Variants in TTYH2 observed in about 807,000 individuals in gnomAD.
TTYH2 encodes tweety family member 2.
A neutral mutation model predicts 68.3 loss-of-function variants in TTYH2; 49 were observed. That is an observed-to-expected ratio of 0.72 (90% CI 0.57 to 0.91). The LOEUF (loss-of-function observed/expected upper bound fraction) is 0.91. Ranked by LOEUF, TTYH2 falls within the 40% of genes least tolerant of loss-of-function variation. TTYH2 has a pLI of 0.00. For synonymous variants in TTYH2, 272 were observed against 300.8 expected, an observed-to-expected ratio of 0.90 and a Z score of 0.99; for missense variants, 631 against 700.4, an observed-to-expected ratio of 0.90 and a Z score of 1.12.
intron 10 of TTYH2, 123 bp from the exon 11 acceptor site, chr17:74,252,111 G>A: frequency 3.1e-6 from 4 of 1,306,230 alleles, no homozygotes; most frequent in Non-Finnish European, 4.3e-6. Flanking sequence ...AGGCGCTCGG[G>A]ATGGGGAGCA....
intron 2 of TTYH2, among the ~76,000 whole-genome samples, chr17:74,225,296 G>A (rs1023402590): frequency 2.6e-5 from 4 of 152,224 alleles, no homozygotes; most frequent in African/African-American, 7.2e-5. Context: ...GTCGAGGGTC[G>A]GGGTGAGCAA....
chr17:74,235,556 T>G (rs1350288336), intron 3 of TTYH2, among the ~76,000 whole-genome samples: 3 of 152,202 alleles, frequency 2.0e-5, no homozygotes, highest in African/African-American at 7.2e-5. Flanking sequence ...GCCTGTGCTC[T>G]TCAAAAGCCA....
chr17:74,235,911 A>AG (rs2050438545), intron 3 of TTYH2, among the ~76,000 whole-genome samples: 1 of 151,742 alleles, frequency 6.6e-6, no homozygotes, highest in African/African-American at 2.4e-5. Flanking sequence ...AAAAAAAAAA[A>AG]CAAAAAAGAG....
At chr17:74,227,002 T>G (rs2050337374) in intron 2 of TTYH2, among the ~76,000 whole-genome samples, 1 of 152,082 alleles carries the variant, frequency 6.6e-6, no homozygotes, top group Non-Finnish European at 1.5e-5. Flanking sequence ...TTTGACAGAG[T>G]CTCACTCTGT....
At chr17:74,220,627 A>G (rs1275139786) in intron 1 of TTYH2, among the ~76,000 whole-genome samples, 1 of 152,130 alleles carries the variant, frequency 6.6e-6, no homozygotes, top group Non-Finnish European at 1.5e-5. Flanking sequence ...ACTTTCCACC[A>G]TCTCTTTCTA....
At chr17:74,248,414 G>A in intron 6 of TTYH2, 1 of 986,656 alleles carries the variant, frequency 1.0e-6, no homozygotes, top group African/African-American at 1.7e-5. Flanking sequence ...CTCATAAGTG[G>A]CAGCCGCCTC....
chr17:74,229,392 G>A (rs2050364326), intron 2 of TTYH2, among the ~76,000 whole-genome samples: 1 of 152,142 alleles, frequency 6.6e-6, no homozygotes, highest in Non-Finnish European at 1.5e-5. Flanking sequence ...TAGGACTAGA[G>A]GACAGTATTT....
At chr17:74,229,226 A>G (rs929807932) in intron 2 of TTYH2, among the ~76,000 whole-genome samples, 4 of 152,072 alleles carry the variant, frequency 2.6e-5, no homozygotes, top group Non-Finnish European at 4.4e-5. Context: ...AAGGTTGGCA[A>G]TGAGTATGTG....
At chr17:74,229,219 G>A (rs1243503236) in intron 2 of TTYH2, among the ~76,000 whole-genome samples, 1 of 152,086 alleles carries the variant, frequency 6.6e-6, no homozygotes, top group African/African-American at 2.4e-5. Flanking sequence ...GAGACCCAAG[G>A]TTGGCAATGA....
intron 2 of TTYH2, among the ~76,000 whole-genome samples, chr17:74,227,449 A>T (rs1361727216): frequency 6.6e-6 from 1 of 152,210 alleles, no homozygotes; most frequent in Admixed American, 6.5e-5. Context: ...AGTCGACAAA[A>T]GGGCTTCTCA....
At chr17:74,251,400 G>A (rs1012963019) in intron 10 of TTYH2, among the ~76,000 whole-genome samples, 13 of 151,844 alleles carry the variant, frequency 8.6e-5, no homozygotes, top group Admixed American at 2.0e-4. Context: ...GTGTGTGTGC[G>A]TGTATTTATA....
rs972340674 is a variant in TTYH2 at position 74,217,580 on chromosome 17, TCAGA to T, written c.129+3868_129+3871del. ...CCAGTGTGAAATTGAGTCACGGTCA[TCAGA>T]CAGTCATGCCGCGCCTGGGAGAGGG... On this transcript the variant is annotated intron_variant, in intron 1 of 13. Transcript: ENST00000269346. The surrounding 1 kb of genome is among the most constrained non-coding windows in gnomAD (Gnocchi z 4.0). Among the ~76,000 whole-genome samples, 7 of 152,142 alleles carry T rather than the reference TCAGA, an allele frequency of 4.6e-5. No homozygotes were observed. Among genetic ancestry groups the T allele is most frequent in the African/African-American group, 1.7e-4 (7 of 41,430 alleles).
chr17:74,250,622 A>G, intron 10 of TTYH2: 1 of 398,900 alleles, frequency 2.5e-6, no homozygotes, highest in South Asian at 5.1e-5. Flanking sequence ...GACCCTGAAC[A>G]ATGCAAGGGA....
chr17:74,234,964 T>C (rs1245301684), intron 3 of TTYH2, among the ~76,000 whole-genome samples: 1 of 152,168 alleles, frequency 6.6e-6, no homozygotes, highest in Non-Finnish European at 1.5e-5. Context: ...TGAATGTACT[T>C]TTACATGGTT....
intron 10 of TTYH2, among the ~76,000 whole-genome samples, chr17:74,251,182 G>A (rs540408628): frequency 1.1e-4 from 17 of 151,548 alleles, no homozygotes; most frequent in East Asian, 7.8e-4. Flanking sequence ...ATGCTTGTGC[G>A]CATGTGTGCT....
chr17:74,244,206 C>T (rs770124335), intron 6 of TTYH2, 157 bp downstream of exon 6: 4 of 661,482 alleles, frequency 6.0e-6, no homozygotes, highest in Admixed American at 5.5e-5. Context: ...CGGCCCCTCT[C>T]GTTACAGATG....
Position 74,253,765 on chromosome 17 carries a change from A to G in TTYH2, c.1456A>G (p.Met486Val), listed in dbSNP as rs778640630. The change falls in exon 13 of 14, where the codon ATG becomes GTG. Residue 486 changes from methionine to valine, a missense_variant. Met to Val is a conservative substitution (Grantham distance 21). Transcript: ENST00000269346. ...CTCTCATCCCCGCAGGAACCAAGCC[A>G]TGCTCTTTGGTAGGAACCCACGCTA... Reference protein sequence around the residue: ...APVSEYMNQAMLFGRNPRYEN... With the variant: ...APVSEYMNQAVLFGRNPRYEN... 14 of 1,614,138 alleles carry G rather than the reference A, an allele frequency of 8.7e-6. No homozygotes were observed. The Admixed American group carries it at 1.8e-4, about 21-fold the overall frequency.
In TTYH2 at chr17:74,215,206, C is replaced by CGTGTGTGTGT. The variant is rs1467248337; in HGVS notation, c.129+1490_129+1491insGTGTGTGTGT. On this transcript the variant is annotated intron_variant, in intron 1 of 13. Transcript: ENST00000269346. The surrounding 1 kb of genome is among the most constrained non-coding windows in gnomAD (Gnocchi z 4.3). ...GTGTGTGTGTGTGTGTGTGTGTGTC[C>CGTGTGTGTGT]CCATCCCAAACCCTGTGCCCCACAT... Among the ~76,000 whole-genome samples the CGTGTGTGTGT allele has an allele frequency of 7.3e-6, 1 of 137,022 alleles. No homozygotes were observed. The highest frequency in any genetic ancestry group is 3.3e-5 in the African/African-American group (1 of 30,270). The allele number at this position is 137,022 out of a possible 152,430, so 89.9% of individuals were successfully genotyped here.
At position 74,214,519 on chromosome 17, in the gene TTYH2, C is replaced by G. The variant is rs1567807421; in HGVS notation, c.129+803C>G. On this transcript the variant is annotated intron_variant, in intron 1 of 13. Coordinates refer to ENST00000269346, the MANE Select transcript of TTYH2 (RefSeq NM_032646.6). This position sits in a 1 kb window ranked among gnomAD's most constrained non-coding sequence, Gnocchi z 4.6. The stretch of plus-strand genomic sequence containing the variant: ...GAATTTCTGGCCTAGGGCAGTCACT[C>G]CCGGCTTCCCCGCCCTTTCCCTACT... Among the ~76,000 whole-genome samples, 1 of 152,142 alleles carries G rather than the reference C, an allele frequency of 6.6e-6. No homozygotes were observed. Among genetic ancestry groups the G allele is most frequent in the Non-Finnish European group, 1.5e-5 (1 of 68,024 alleles).
Sources: gnomAD v4.1 joint callset for allele counts (sites outside exome capture counted in the v4.1 genomes callset) on GRCh38, gnomAD v4.1.1 for gene constraint, Gnocchi (gnomAD v3.1) non-coding constraint, MANE v1.5 for transcripts, NCBI Gene and HGNC (gene_info 2026-07-23, HGNC 2026-07-21) for gene names.